The following UHRF1 variants were observed in gnomAD, a reference collection of about 807,000 sequenced individuals.
UHRF1 encodes the protein ubiquitin like with PHD and ring finger domains 1, also known as E3 ubiquitin-protein ligase UHRF1.
Under a neutral mutation model 96.5 loss-of-function variants are expected in UHRF1, and 9 were observed. The ratio of observed to expected loss-of-function variants is 0.09; its 90% CI spans 0.06 to 0.16. UHRF1 has a LOEUF of 0.16. Among genes scored for constraint, UHRF1 ranks in the 10% least tolerant of loss-of-function variants. The pLI is 1.00. For synonymous variants in UHRF1, 455 were observed against 469.9 expected (o/e 0.97, Z 0.41); for missense variants, 626 against 1,131.1 (o/e 0.55, Z 6.40).
At chr19:4,925,093 T>C (rs1032489691) in intron 2 of UHRF1, among the ~76,000 whole-genome samples, 1 of 152,070 alleles carries the variant, frequency 6.6e-6, no homozygotes, top group African/African-American at 2.4e-5. Context: ...TCCCAGAGTG[T>C]TGAGATGACG....
chr19:4,919,308 T>TC (rs2146304690), intron 2 of UHRF1, among the ~76,000 whole-genome samples: 1 of 147,164 alleles, frequency 6.8e-6, no homozygotes, highest in East Asian at 2.0e-4. Context: ...CATTTTAACT[T>TC]TTTTTTTTTT....
chr19:4,924,107 C>T (rs2032789472), intron 2 of UHRF1, among the ~76,000 whole-genome samples: 1 of 152,206 alleles, frequency 6.6e-6, no homozygotes, highest in Non-Finnish European at 1.5e-5. Context: ...TTTGGGATTA[C>T]AGGCACTAAC....
intron 11 of UHRF1, among the ~76,000 whole-genome samples, chr19:4,947,487 T>A: frequency 7.6e-6 from 1 of 132,124 alleles, no homozygotes; most frequent in Non-Finnish European, 1.6e-5. Flanking sequence ...AGATAATAGA[T>A]ATCTTTTTTT....
intron 9 of UHRF1, 78 bp from the exon 10 acceptor site, chr19:4,945,783 A>C: frequency 2.5e-6 from 3 of 1,213,902 alleles, no homozygotes; most frequent in Non-Finnish European, 1.2e-6. Context: ...TGCTCGGGGT[A>C]GGGAGGAGGA....
intron 2 of UHRF1, among the ~76,000 whole-genome samples, chr19:4,923,638 C>T (rs994333712): frequency 1.3e-5 from 2 of 152,202 alleles, no homozygotes; most frequent in African/African-American, 4.8e-5. Context: ...ACGTGGCCTT[C>T]GGACACATGT....
At chr19:4,910,803 G>T (rs745584378) in intron 1 of UHRF1, 73 bp from the exon 2 acceptor site, 2 of 1,473,726 alleles carry the variant, frequency 1.4e-6, no homozygotes, top group South Asian at 1.5e-5. Flanking sequence ...AAGCAACCCC[G>T]ACTCCTTAGA....
rs2145202853 is a variant in UHRF1 at position 4,950,856 on chromosome 19, C to T, written c.1681-3C>T. 1 of 1,613,892 alleles carries T rather than the reference C, an allele frequency of 6.2e-7. No individual in the cohort carries two copies. The highest frequency in any genetic ancestry group is 8.5e-7 in the Non-Finnish European group (1 of 1,179,886). Reference sequence around the variant, plus strand: ...AGCTGACGCTGATGCCCGCTCTCTGCAGGTTGTGAAATACTGGCCCGAGAA... The same window carrying T: ...AGCTGACGCTGATGCCCGCTCTCTGTAGGTTGTGAAATACTGGCCCGAGAA... On this transcript the variant is annotated splice_polypyrimidine_tract_variant and splice_region_variant and intron_variant, in intron 12 of 16. Coordinates refer to ENST00000650932, the MANE Select transcript of UHRF1 (RefSeq NM_001048201.3).
intron 2 of UHRF1, among the ~76,000 whole-genome samples, chr19:4,912,513 T>C (rs2032322797): frequency 6.6e-6 from 1 of 152,138 alleles, no homozygotes; most frequent in African/African-American, 2.4e-5. Context: ...ATTTTAACTT[T>C]TGCATTTCAA....
intron 2 of UHRF1, among the ~76,000 whole-genome samples, chr19:4,923,669 T>C (rs1310487940): frequency 2.0e-5 from 3 of 152,190 alleles, no homozygotes; most frequent in Non-Finnish European, 4.4e-5. Flanking sequence ...CTAGCTTGGG[T>C]GCTCACTGCG....
intron 5 of UHRF1, among the ~76,000 whole-genome samples, chr19:4,938,640 C>T (rs1255693545): frequency 6.6e-6 from 1 of 150,486 alleles, no homozygotes; most frequent in Non-Finnish European, 1.5e-5. Flanking sequence ...CGATCCTGAC[C>T]TCAGGTGATC....
chr19:4,909,723 A>T, intron 1 of UHRF1, 68 bp downstream of exon 1: 1 of 489,898 alleles, frequency 2.0e-6, no homozygotes, highest in East Asian at 3.6e-5. Flanking sequence ...ACTTTGCAAA[A>T]CTTTCCCGCG....
At chr19:4,945,111 G>A (rs2033524032) in intron 9 of UHRF1, among the ~76,000 whole-genome samples, 1 of 152,204 alleles carries the variant, frequency 6.6e-6, no homozygotes, top group African/African-American at 2.4e-5. Context: ...GGGCAGCGCT[G>A]TATCCCTAGT....
rs1319781125 is a variant in UHRF1 at position 4,960,689 on chromosome 19, G to T, written c.2268G>T (p.Val756=). 1.9e-6 allele frequency: 3 copies of T among 1,607,758 alleles called. No individual in the cohort carries two copies. Among genetic ancestry groups the T allele is most frequent in the Non-Finnish European group, 2.5e-6 (3 of 1,177,480 alleles). The part of the protein sequence containing the change: ...DCLDRSFRAQ[V]FSCPACRYDL... Reference sequence around the variant, plus strand: ...TGGACAGATCCTTTCGGGCACAGGTGTTCAGCTGCCCTGCCTGCCGCTACG... The same window carrying T: ...TGGACAGATCCTTTCGGGCACAGGTTTTCAGCTGCCCTGCCTGCCGCTACG... Residue 756 remains valine, a synonymous_variant, in exon 17 of 17, where the codon GTG becomes GTT. Transcript: ENST00000650932.
At chr19:4,938,730 G>GGTTTTTTTTTTTTTTTTT (rs1568421924) in intron 5 of UHRF1, among the ~76,000 whole-genome samples, 6 of 61,566 alleles carry the variant, frequency 9.7e-5, no homozygotes, top group Non-Finnish European at 1.5e-4. Context: ...TTTTGGTCAG[G>GGTTTTTTTTTTTTTTTTT]TTTTTTTTTT....
At chr19:4,909,136 C>G, upstream of UHRF1, 1 of 255,448 alleles carries the variant, frequency 3.9e-6, no homozygotes, top group East Asian at 9.0e-5. Context: ...ACATTGATTC[C>G]GGCCTTCTTA....
At chr19:4,959,180 A>G (rs1238870476) in intron 16 of UHRF1, among the ~76,000 whole-genome samples, 1 of 151,478 alleles carries the variant, frequency 6.6e-6, no homozygotes, top group Non-Finnish European at 1.5e-5. Flanking sequence ...AAATACAAAA[A>G]TTAGCCAGGT....
chr19:4,945,513 C>A (rs1176568591), intron 9 of UHRF1, among the ~76,000 whole-genome samples: 1 of 152,136 alleles, frequency 6.6e-6, no homozygotes, highest in African/African-American at 2.4e-5. Context: ...CCCACCTCGG[C>A]CCCCGAAAGT....
At chr19:4,927,247 G>T (rs1442014073) in intron 2 of UHRF1, among the ~76,000 whole-genome samples, 1 of 151,798 alleles carries the variant, frequency 6.6e-6, no homozygotes, top group African/African-American at 2.4e-5. Flanking sequence ...GGGTGTGATG[G>T]CTCATGCCTA....
chr19:4,922,237 G>A (rs574807248), intron 2 of UHRF1, among the ~76,000 whole-genome samples: 5 of 151,950 alleles, frequency 3.3e-5, no homozygotes, highest in South Asian at 2.1e-4. Context: ...GTGAGCCACC[G>A]GACCTGGGCT....
Sources: gnomAD v4.1 joint callset for allele counts (sites outside exome capture counted in the v4.1 genomes callset) on GRCh38, gnomAD v4.1.1 for gene constraint, MANE v1.5 for transcripts, NCBI Gene and HGNC (gene_info 2026-07-23, HGNC 2026-07-21) for gene names.